Variants in GPN1 observed in about 807,000 individuals in gnomAD.
GPN1 encodes GPN-loop GTPase 1, also known as ATP(GTP)-binding protein.
A neutral mutation model predicts 55.9 loss-of-function variants in GPN1; 44 were observed. The ratio of observed to expected loss-of-function variants is 0.79; its 90% confidence interval spans 0.62 to 1.01. GPN1 has a LOEUF of 1.01. GPN1 is among the 50% of genes least tolerant of loss of function. The pLI is 0.00. For missense variants in GPN1, 466 were observed against 462.8 expected, an observed-to-expected ratio of 1.01 and a Z score of -0.06; for synonymous variants, 179 against 162.5, an observed-to-expected ratio of 1.10 and a Z score of -0.77.
chr2:27,648,699 G>C (rs113160276), intron 13 of GPN1, among the ~76,000 whole-genome samples: 7 of 152,030 alleles, frequency 4.6e-5, no homozygotes, highest in African/African-American at 1.7e-4. Flanking sequence ...GCAGTGGCAC[G>C]ATCTCAGCTG....
Position 27,649,226 on chromosome 2 carries a change from C to T in GPN1, c.1040-889C>T, listed in dbSNP as rs1412685835. Among the ~76,000 whole-genome samples, 4 of 150,534 alleles carry T rather than the reference C, an allele frequency of 2.7e-5. No homozygotes were observed. In the South Asian group the frequency reaches 8.4e-4, roughly 32 times the overall value. ...CACCATTGCACTCAGGCCTCGGTAA[C>T]AAGAGTGAAACTTGATCTCAAAAAA... is the stretch of plus-strand genomic sequence containing the variant. On this transcript the variant is annotated intron_variant, in intron 13 of 13. Coordinates refer to ENST00000610189, the MANE Select transcript of GPN1 (RefSeq NM_007266.4).
At chr2:27,634,958 T>C in intron 6 of GPN1, 34 bp downstream of exon 6, 1 of 1,209,004 alleles carries the variant, frequency 8.3e-7, no homozygotes, top group Non-Finnish European at 1.2e-6. Context: ...TGAGAGTAGC[T>C]AGAGGGGCTA....
At chr2:27,632,912 T>G (rs1673604676) in intron 5 of GPN1, among the ~76,000 whole-genome samples, 1 of 152,234 alleles carries the variant, frequency 6.6e-6, no homozygotes. Context: ...CTTTTGAGAC[T>G]TTGTCCCAAT....
chr2:27,651,074 C>T lies in GPN1; in HGVS notation c.*874C>T, dbSNP rs750602272. The T allele has an allele frequency of 2.6e-5, 4 of 152,316 alleles. No homozygotes were observed. The highest frequency in any genetic ancestry group is 9.6e-5 in the African/African-American group (4 of 41,454). The allele number at this position is 152,316 out of a possible 1,614,324, so 9.4% of individuals were successfully genotyped here. ...AATGCAAAGTCTCCTTGGTGATTTT[C>T]GCAAAGTCCGTGGATTTGGGTCAGA... On this transcript the variant is annotated 3_prime_UTR_variant, in exon 14 of 14. Coordinates refer to ENST00000610189, the MANE Select transcript of GPN1 (RefSeq NM_007266.4).
intron 12 of GPN1, among the ~76,000 whole-genome samples, chr2:27,647,040 C>T (rs1315895389): frequency 6.6e-6 from 1 of 151,178 alleles, no homozygotes; most frequent in Non-Finnish European, 1.5e-5. Flanking sequence ...AGGAAAGTCA[C>T]AAGTATAGTT....
At chr2:27,648,307 GC>G (rs1226068605) in intron 13 of GPN1, among the ~76,000 whole-genome samples, 1 of 152,084 alleles carries the variant, frequency 6.6e-6, no homozygotes. Context: ...ATTGCTTGAG[GC>G]CAGGAGTTCT....
intron 7 of GPN1, 114 bp from the exon 8 acceptor site, chr2:27,638,096 A>C (rs775278126): frequency 9.3e-6 from 6 of 644,690 alleles, no homozygotes; most frequent in Non-Finnish European, 1.1e-5. Context: ...ATGGATGACT[A>C]CTTTTTAGAT....
In GPN1 at chr2:27,631,904, T is replaced by A; in HGVS notation, c.312+4T>A. On this transcript the variant is annotated splice_donor_region_variant and intron_variant, in intron 4 of 13. Coordinates refer to ENST00000610189, the MANE Select transcript of GPN1 (RefSeq NM_007266.4). ...CTTTGCTACCAGATTTGATCAGGTA[T>A]ATCTGTCTTTAGTATATTAATATGG... The A allele has an allele frequency of 6.7e-7, 1 of 1,496,724 alleles. No individual in the cohort carries two copies. The highest frequency in any genetic ancestry group is 9.3e-7 in the Non-Finnish European group (1 of 1,072,702). 92.7% of individuals were successfully genotyped at this position (1,496,724 alleles called of 1,614,324 possible). A position where few individuals can be genotyped will look rare whatever the true frequency, so the allele number is the denominator to read the frequency against.
intron 1 of GPN1, 119 bp downstream of exon 1, chr2:27,629,288 G>GT: frequency 6.9e-7 from 1 of 1,456,810 alleles, no homozygotes; most frequent in South Asian, 1.2e-5. Flanking sequence ...GCTTTCGGGG[G>GT]CTTCCCATCA....
intron 9 of GPN1, 82 bp from the exon 10 acceptor site, chr2:27,639,961 T>C: frequency 1.0e-6 from 1 of 974,508 alleles, no homozygotes; most frequent in Non-Finnish European, 1.6e-6. Flanking sequence ...ACTAAGATTT[T>C]ATGACATTTA....
chr2:27,638,172 G>T, intron 7 of GPN1, 38 bp from the exon 8 acceptor site: 2 of 1,160,968 alleles, frequency 1.7e-6, no homozygotes, highest in Non-Finnish European at 2.6e-6. Context: ...AAGAGCTTAT[G>T]TGCTTTTACT....
intron 1 of GPN1, 41 bp from the exon 2 acceptor site, chr2:27,629,818 C>T: frequency 1.9e-6 from 2 of 1,061,942 alleles, no homozygotes; most frequent in Non-Finnish European, 1.5e-6. Context: ...TCTCTTGTCC[C>T]CTCTTTGTCT....
chr2:27,637,310 C>A (rs114308921), intron 7 of GPN1, among the ~76,000 whole-genome samples: 1 of 152,056 alleles, frequency 6.6e-6, no homozygotes, highest in Non-Finnish European at 1.5e-5. Flanking sequence ...TCATCCTAAT[C>A]GTCTTCACTT....
chr2:27,642,956 T>TAC (rs764872511), intron 12 of GPN1, among the ~76,000 whole-genome samples: 326 of 85,818 alleles, frequency 3.8e-3, no homozygotes, highest in African/African-American at 7.9e-3. Context: ...TATATATATA[T>TAC]ATACACACAC....
upstream of GPN1, chr2:27,628,911 A>G: frequency 6.7e-7 from 1 of 1,484,330 alleles, no homozygotes; most frequent in South Asian, 1.4e-5. Flanking sequence ...GCCCTGCCCG[A>G]CGCTAAGAAG....
intron 5 of GPN1, among the ~76,000 whole-genome samples, chr2:27,633,973 C>T (rs1169040194): frequency 2.6e-5 from 4 of 151,966 alleles, no homozygotes; most frequent in Non-Finnish European, 4.4e-5. Context: ...TTTTCTGTTC[C>T]CTTTAGCCCC....
chr2:27,629,254 G>T, intron 1 of GPN1, 85 bp downstream of exon 1: 3 of 1,158,980 alleles, frequency 2.6e-6, no homozygotes, highest in Non-Finnish European at 3.6e-6. Flanking sequence ...GGAGGGAAGA[G>T]GATTTGGAGG....
At chr2:27,631,718 G>A (rs961337283) in intron 3 of GPN1, 116 bp from the exon 4 acceptor site, 25 of 737,092 alleles carry the variant, frequency 3.4e-5, no homozygotes, top group Non-Finnish European at 5.0e-5. Context: ...GGATTAGGTT[G>A]CCAGTATCCA....
chr2:27,642,884 A>G (rs1355789482), intron 12 of GPN1, among the ~76,000 whole-genome samples: 1 of 150,914 alleles, frequency 6.6e-6, no homozygotes, highest in Non-Finnish European at 1.5e-5. Context: ...TATTTCTATC[A>G]GCAGGATTCT....
Sources: gnomAD v4.1 joint callset for allele counts (sites outside exome capture counted in the v4.1 genomes callset) on GRCh38, gnomAD v4.1.1 for gene constraint, MANE v1.5 for transcripts, NCBI Gene and HGNC (gene_info 2026-07-23, HGNC 2026-07-21) for gene names.